The following NHEJ1 variants were observed in gnomAD, a reference collection of about 807,000 sequenced individuals.
NHEJ1 encodes non-homologous end joining factor 1, also known as non-homologous end-joining factor 1.
A neutral mutation model predicts 39.4 loss-of-function variants in NHEJ1; 22 were observed. The ratio of observed to expected loss-of-function variants is 0.56; its 90% CI spans 0.40 to 0.80. NHEJ1 has a LOEUF of 0.80. Among genes scored for constraint, NHEJ1 ranks in the 30% least tolerant of loss-of-function variants. NHEJ1 has a pLI of 0.00. For synonymous variants in NHEJ1, 154 were observed against 135.6 expected (o/e 1.14, Z -0.94); for missense variants, 329 against 357.1 (o/e 0.92, Z 0.63).
chr2:219,069,870 T>C lies in NHEJ1; in HGVS notation c.*6511A>G, dbSNP rs530617749. 4.6e-5 allele frequency: 7 copies of C among 152,366 alleles called. No homozygotes were observed. Among genetic ancestry groups the C allele is most frequent in the Non-Finnish European group, 1.0e-4 (7 of 68,046 alleles). 9.4% of individuals were successfully genotyped at this position (152,366 alleles called of 1,614,324 possible). A position where few individuals can be genotyped will look rare whatever the true frequency, so the allele number is the denominator to read the frequency against. On this transcript the variant is annotated 3_prime_UTR_variant, in exon 8 of 8. Transcript: ENST00000356853. Reference sequence around the variant, plus strand: ...CCTCATGGTGTTCACAGACTTGAGCTGCAAGTGAGAAAATCCAATGGGAAA... The same window carrying C: ...CCTCATGGTGTTCACAGACTTGAGCCGCAAGTGAGAAAATCCAATGGGAAA...
At chr2:219,122,439 C>A (rs1173093852) in intron 5 of NHEJ1, among the ~76,000 whole-genome samples, 1 of 152,142 alleles carries the variant, frequency 6.6e-6, no homozygotes, top group Non-Finnish European at 1.5e-5. Context: ...TATCTCTGTA[C>A]CCTTGGCACA....
intron 5 of NHEJ1, among the ~76,000 whole-genome samples, chr2:219,144,454 A>C (rs541793957): frequency 3.7e-4 from 57 of 152,252 alleles, no homozygotes; most frequent in African/African-American, 1.3e-3. Context: ...GTACTATAGT[A>C]GCAGGGAAGA....
Position 219,099,741 on chromosome 2 carries a change from C to CGGCAGAAAAGACATGGGAAAA in NHEJ1, c.589-21556_589-21536dup, listed in dbSNP as rs372352587. On this transcript the variant is annotated intron_variant, in intron 5 of 7. Transcript: ENST00000356853. ...AAGAAACAGCCACCGTGTGAGAGTG[C>CGGCAGAAAAGACATGGGAAAA]GGCAGAAAAGACATGGGAAAAGGCA... 7.8e-3 allele frequency among the ~76,000 whole-genome samples: 1,180 copies of CGGCAGAAAAGACATGGGAAAA among 151,918 alleles called. 23 individuals are homozygous for CGGCAGAAAAGACATGGGAAAA. The highest frequency in any genetic ancestry group is 0.027 in the African/African-American group (1,106 of 41,354).
intron 5 of NHEJ1, among the ~76,000 whole-genome samples, chr2:219,119,576 C>A (rs1474031115): frequency 6.6e-6 from 1 of 152,094 alleles, no homozygotes; most frequent in Non-Finnish European, 1.5e-5. Context: ...AAACCTGAGT[C>A]CTCCCCGCCA....
At chr2:219,080,105 C>A (rs1330089816) in intron 5 of NHEJ1, among the ~76,000 whole-genome samples, 2 of 152,200 alleles carry the variant, frequency 1.3e-5, no homozygotes, top group Non-Finnish European at 2.9e-5. Context: ...AAATGTGGAA[C>A]CTAATCTAAG....
At chr2:219,145,808 T>C (rs1315722008) in intron 5 of NHEJ1, among the ~76,000 whole-genome samples, 4 of 152,022 alleles carry the variant, frequency 2.6e-5, no homozygotes, top group African/African-American at 7.2e-5. Flanking sequence ...GGCACATGCC[T>C]GTAATCCCAG....
intron 5 of NHEJ1, among the ~76,000 whole-genome samples, chr2:219,090,128 T>C (rs751968010): frequency 6.6e-6 from 1 of 152,218 alleles, no homozygotes; most frequent in Non-Finnish European, 1.5e-5. Flanking sequence ...TGTCCAAGGA[T>C]TGTTAAATGA....
intron 5 of NHEJ1, among the ~76,000 whole-genome samples, chr2:219,113,203 G>A (rs1186660820): frequency 6.6e-6 from 1 of 152,156 alleles, no homozygotes; most frequent in Middle Eastern, 3.4e-3. Flanking sequence ...ATTGTTAAAC[G>A]TGTGTCATAA....
Position 219,076,127 on chromosome 2 carries a change from G to T in NHEJ1, c.*254C>A. 1.4e-6 allele frequency: 1 copy of T among 713,900 alleles called. No individual in the cohort carries two copies. The highest frequency in any genetic ancestry group is 2.3e-6 in the Non-Finnish European group (1 of 443,814). The allele number at this position is 713,900 out of a possible 1,614,324, so 44.2% of individuals were successfully genotyped here. On this transcript the variant is annotated 3_prime_UTR_variant, in exon 8 of 8. Coordinates refer to ENST00000356853, the MANE Select transcript of NHEJ1 (RefSeq NM_024782.3). Reference sequence around the variant, plus strand: ...CTTGCCCTATATACCTAAAGTCCATGGTAGAAACCTGAACCTACAGAACCT... The same window carrying T: ...CTTGCCCTATATACCTAAAGTCCATTGTAGAAACCTGAACCTACAGAACCT...
At chr2:219,106,160 A>C (rs1227298957) in intron 5 of NHEJ1, among the ~76,000 whole-genome samples, 6 of 152,244 alleles carry the variant, frequency 3.9e-5, no homozygotes, top group Non-Finnish European at 7.3e-5. Flanking sequence ...AGGAGGCATC[A>C]TGCCTTGAAG....
In NHEJ1 at chr2:219,072,826, A is replaced by C. The variant is rs1283132682; in HGVS notation, c.*3555T>G. ...GTAGTTTTGTAAGTAGGAGAAAATG[A>C]GAGACAGAATAAACAGAGAGAGGAA... On this transcript the variant is annotated 3_prime_UTR_variant, in exon 8 of 8. Coordinates refer to ENST00000356853, the MANE Select transcript of NHEJ1 (RefSeq NM_024782.3). Among the ~76,000 whole-genome samples the C allele has an allele frequency of 1.3e-5, 2 of 152,174 alleles. No individual in the cohort carries two copies. The highest frequency in any genetic ancestry group is 2.9e-5 in the Non-Finnish European group (2 of 68,042).
chr2:219,150,955 CA>C (rs918379610), intron 3 of NHEJ1, among the ~76,000 whole-genome samples: 17 of 142,962 alleles, frequency 1.2e-4, no homozygotes, highest in African/African-American at 4.4e-4. Flanking sequence ...GACTCCATCT[CA>C]AAAAAAAACA....
chr2:219,152,102 T>C (rs1261464351), intron 3 of NHEJ1, among the ~76,000 whole-genome samples: 5 of 152,172 alleles, frequency 3.3e-5, no homozygotes, highest in African/African-American at 4.8e-5. Context: ...TATGAAGATA[T>C]ACAGTTCATC....
intron 5 of NHEJ1, among the ~76,000 whole-genome samples, chr2:219,145,875 T>A (rs1484424292): frequency 6.7e-6 from 1 of 148,906 alleles, no homozygotes. Context: ...GAGGTTGCTG[T>A]GAGCCGAGAT....
intron 5 of NHEJ1, among the ~76,000 whole-genome samples, chr2:219,131,361 TAA>T (rs1949577216): frequency 6.6e-6 from 1 of 152,192 alleles, no homozygotes; most frequent in African/African-American, 2.4e-5. Context: ...CTAAAAATTA[TAA>T]GAGACTAATT....
chr2:219,150,689 C>T (rs892207084), intron 3 of NHEJ1, among the ~76,000 whole-genome samples: 43 of 152,104 alleles, frequency 2.8e-4, no homozygotes, highest in African/African-American at 1.0e-3. Context: ...GACGCAGTGG[C>T]TCACACCTGT....
At chr2:219,147,308 C>T (rs967141963) in intron 4 of NHEJ1, among the ~76,000 whole-genome samples, 15 of 152,074 alleles carry the variant, frequency 9.9e-5, no homozygotes, top group Admixed American at 1.3e-4. Flanking sequence ...GGTGAAACCC[C>T]GTCTATATTA....
intron 5 of NHEJ1, among the ~76,000 whole-genome samples, chr2:219,100,750 G>A (rs1421934083): frequency 6.6e-6 from 1 of 152,176 alleles, no homozygotes; most frequent in East Asian, 1.9e-4. Context: ...CAGGGTTGAG[G>A]AAAGTAATCT....
At chr2:219,140,507 C>T (rs969947399) in intron 5 of NHEJ1, among the ~76,000 whole-genome samples, 3 of 152,094 alleles carry the variant, frequency 2.0e-5, no homozygotes, top group Admixed American at 6.5e-5. Context: ...GGTGAGATTA[C>T]GGGCATAGTT....
Sources: allele counts gnomAD v4.1 joint callset (sites outside exome capture counted in the v4.1 genomes callset), GRCh38; gene constraint gnomAD v4.1.1; transcripts MANE v1.5; gene names NCBI Gene and HGNC (gene_info 2026-07-23, HGNC 2026-07-21).